Variants in ANKRD12 observed in about 807,000 individuals in gnomAD.
ANKRD12 encodes the protein ankyrin repeat domain-containing protein 12.
In ANKRD12, 85 loss-of-function variants were observed where a neutral mutation model predicts 183.4. The observed-to-expected ratio is 0.46, with a 90% confidence interval of 0.39 to 0.56. The LOEUF is 0.56. ANKRD12 is among the 20% of genes least tolerant of loss of function. The pLI is 0.00. For synonymous variants in ANKRD12, 914 were observed against 800.2 expected (o/e 1.14, Z -2.40); for missense variants, 2,405 against 2,357.1 (o/e 1.02, Z -0.42).
intron 6 of ANKRD12, 149 bp from the exon 7 acceptor site, chr18:9,216,609 A>G: frequency 2.8e-6 from 2 of 718,198 alleles, no homozygotes; most frequent in Non-Finnish European, 4.5e-6. Context: ...TATTGTTCTT[A>G]TTTATTTTTA....
chr18:9,257,710 T>C lies in ANKRD12; in HGVS notation c.4443T>C (p.Asp1481=). The part of the protein sequence containing the change: ...TELPGNSCAQ[D]PASFMPPQQP... ...TGCCAGGAAACTCTTGTGCTCAGGA[T>C]CCGGCATCCTTTATGCCTCCACAGC... Residue 1481 remains aspartate (D), a synonymous_variant, in exon 9 of 13, where the codon GAT becomes GAC. Coordinates refer to ENST00000262126, the MANE Select transcript of ANKRD12 (RefSeq NM_015208.5). The C allele has an allele frequency of 6.2e-7, 1 of 1,614,098 alleles. No individual in the cohort carries two copies. Among genetic ancestry groups the C allele is most frequent in the Non-Finnish European group, 8.5e-7 (1 of 1,179,988 alleles).
In ANKRD12 at chr18:9,256,200, T is replaced by C. The variant is rs1308352785; in HGVS notation, c.2933T>C (p.Ile978Thr). The change falls in exon 9 of 13, where the codon ATA becomes ACA. Residue 978 changes from isoleucine to threonine, a missense_variant. Physicochemically the swap from Ile to Thr is moderately conservative, Grantham distance 89. Around this residue, in one of 7 missense-constraint regions of ANKRD12, gnomAD observed 1,983 missense variants for 1,725.9 expected, o/e 1.15. Transcript: ENST00000262126. ...ATAAATATAACTAACTCCAAACACA[T>C]ACAGGAAGAAAAAAAATCAAGTATA... Reference protein sequence around the residue: ...ESINITNSKHIQEEKKSSIVD... With the variant: ...ESINITNSKHTQEEKKSSIVD... 3.8e-6 allele frequency: 6 copies of C among 1,572,518 alleles called. No individual in the cohort carries two copies. The highest frequency in any genetic ancestry group is 2.6e-6 in the Non-Finnish European group (3 of 1,166,892).
intron 1 of ANKRD12, among the ~76,000 whole-genome samples, chr18:9,165,859 T>TCCCCC (rs1379594978): frequency 7.9e-6 from 1 of 126,180 alleles, no homozygotes; most frequent in Non-Finnish European, 1.7e-5. Context: ...CCTAATGCTA[T>TCCCCC]CCCTCCCCCC....
intron 1 of ANKRD12, among the ~76,000 whole-genome samples, chr18:9,159,750 A>G (rs999893544): frequency 6.6e-6 from 1 of 150,630 alleles, no homozygotes; most frequent in African/African-American, 2.4e-5. Flanking sequence ...TTCACCATCC[A>G]TTTATTAATA....
Position 9,182,514 on chromosome 18 carries a change from A to G in ANKRD12, c.82A>G (p.Arg28Gly). The stretch of plus-strand genomic sequence containing the variant: ...CAATATGGTAGAGAAACCATATGGA[A>G]GAAAGGTATATGATTATACTAAAGA... ...DSNMVEKPYG[R>G]KSKDKIASYS... The change falls in exon 2 of 13, where the codon AGA becomes GGA. Residue 28 changes from arginine to glycine, a missense_variant. By Grantham distance (125) the Arg-to-Gly change is moderately radical. Coordinates refer to ENST00000262126, the MANE Select transcript of ANKRD12 (RefSeq NM_015208.5). The G allele has an allele frequency of 1.9e-6, 3 of 1,597,580 alleles. No individual in the cohort carries two copies. Among genetic ancestry groups the G allele is most frequent in the Admixed American group, 1.7e-5 (1 of 58,782 alleles).
intron 5 of ANKRD12, among the ~76,000 whole-genome samples, chr18:9,211,281 G>T (rs1029681847): frequency 1.3e-5 from 2 of 152,076 alleles, no homozygotes; most frequent in African/African-American, 4.8e-5. Flanking sequence ...ATGTTTCATA[G>T]TTCATCACAT....
At chr18:9,157,550 G>GGTGTGTGTGTGT (rs71168037) in intron 1 of ANKRD12, among the ~76,000 whole-genome samples, 2 of 114,598 alleles carry the variant, frequency 1.7e-5, no homozygotes, top group African/African-American at 8.0e-5. Context: ...GGTGTGTGTG[G>GGTGTGTGTGTGT]GTGTGTGTGT....
At chr18:9,142,388 T>C (rs1333278134) in intron 1 of ANKRD12, among the ~76,000 whole-genome samples, 1 of 152,196 alleles carries the variant, frequency 6.6e-6, no homozygotes, top group Admixed American at 6.5e-5. Flanking sequence ...AGGTTAAAAG[T>C]ATCTGGAGTA....
At chr18:9,280,399 G>A (rs930806524) in intron 12 of ANKRD12, among the ~76,000 whole-genome samples, 5 of 152,182 alleles carry the variant, frequency 3.3e-5, no homozygotes, top group African/African-American at 9.7e-5. Context: ...GTACCAGTCC[G>A]TGACCCGGGG....
At chr18:9,147,240 A>G (rs2078522603) in intron 1 of ANKRD12, among the ~76,000 whole-genome samples, 1 of 152,174 alleles carries the variant, frequency 6.6e-6, no homozygotes, top group African/African-American at 2.4e-5. Flanking sequence ...TTATTTAAGT[A>G]GTTAAAAATC....
rs1425873367 is a variant in ANKRD12, at chr18:9,136,976, G to A, written c.-52+11G>A. On this transcript the variant is annotated intron_variant, in intron 1 of 12. Transcript: ENST00000262126. Reference sequence around the variant, plus strand: ...CCGGCCTTGCCTCGGGTCCGTACGGGTGAGGGGGGCGTGGCGACAGGAAAG... The same window carrying A: ...CCGGCCTTGCCTCGGGTCCGTACGGATGAGGGGGGCGTGGCGACAGGAAAG... 6.6e-6 allele frequency: 1 copy of A among 152,576 alleles called. No individual in the cohort carries two copies. Among genetic ancestry groups the A allele is most frequent in the Non-Finnish European group, 1.5e-5 (1 of 68,410 alleles). 9.5% of individuals were successfully genotyped at this position (152,576 alleles called of 1,614,324 possible). A position where few individuals can be genotyped will look rare whatever the true frequency, so the allele number is the denominator to read the frequency against.
At chr18:9,186,722 T>C (rs2034089310) in intron 2 of ANKRD12, among the ~76,000 whole-genome samples, 1 of 150,416 alleles carries the variant, frequency 6.6e-6, no homozygotes, top group Non-Finnish European at 1.5e-5. Context: ...TTCATGTGTA[T>C]ATTTGCAATG....
chr18:9,238,153 T>C (rs1340933716), intron 8 of ANKRD12, among the ~76,000 whole-genome samples: 1 of 152,180 alleles, frequency 6.6e-6, no homozygotes, highest in Admixed American at 6.5e-5. Flanking sequence ...CTCCTTGGCT[T>C]TCGTCCAGCT....
intron 8 of ANKRD12, among the ~76,000 whole-genome samples, chr18:9,251,049 T>C (rs1416921509): frequency 6.6e-6 from 1 of 152,332 alleles, no homozygotes; most frequent in East Asian, 1.9e-4. Flanking sequence ...ACTCCTGAAA[T>C]ATATGTGACA....
At chr18:9,148,166 T>C (rs9945360) in intron 1 of ANKRD12, among the ~76,000 whole-genome samples, 84,241 of 151,892 alleles carry the variant, frequency 0.55, 24,588 homozygotes, top group South Asian at 0.75. Flanking sequence ...GTTGCAGCAA[T>C]TTAGAACCTG....
chr18:9,209,065 A>G (rs1295763882), intron 5 of ANKRD12, among the ~76,000 whole-genome samples: 1 of 152,278 alleles, frequency 6.6e-6, no homozygotes, highest in East Asian at 1.9e-4. Flanking sequence ...AAATTTTTTT[A>G]TAAGGAAAAA....
chr18:9,220,651 A>G (rs1251270096), intron 7 of ANKRD12, among the ~76,000 whole-genome samples: 2 of 152,224 alleles, frequency 1.3e-5, no homozygotes, highest in East Asian at 1.9e-4. Context: ...ATGCTTTTGT[A>G]TTAAAATACA....
intron 8 of ANKRD12, chr18:9,250,339 T>A (rs1486569463): frequency 6.6e-6 from 1 of 152,218 alleles, no homozygotes. Context: ...ATAGTGCTGG[T>A]CACGTTGTTT....
At chr18:9,146,291 A>G (rs1448434567) in intron 1 of ANKRD12, among the ~76,000 whole-genome samples, 1 of 152,248 alleles carries the variant, frequency 6.6e-6, no homozygotes, top group African/African-American at 2.4e-5. Context: ...AGCCTGGCAC[A>G]GTGGCACATG....
Sources: allele counts gnomAD v4.1 joint callset (sites outside exome capture counted in the v4.1 genomes callset), GRCh38; gene constraint gnomAD v4.1.1; regional missense constraint gnomAD v4.1.1; transcripts MANE v1.5; gene names NCBI Gene and HGNC (gene_info 2026-07-23, HGNC 2026-07-21).